AMPD3: variants seen among roughly 807,000 people sequenced by gnomAD.
The protein encoded by AMPD3 is AMP deaminase 3.
AMPD3 carries 57 observed loss-of-function variants against 82.3 expected under a neutral mutation model. The observed-to-expected ratio is 0.69, with a 90% CI of 0.56 to 0.86. The LOEUF (loss-of-function observed/expected upper bound fraction) is 0.86. Among genes scored for constraint, AMPD3 ranks in the 40% least tolerant of loss-of-function variants. AMPD3 has a pLI of 0.00. For synonymous variants in AMPD3, 381 were observed against 394.7 expected (o/e 0.97, Z 0.41); for missense variants, 870 against 1,003.8 (o/e 0.87, Z 1.80).
At chr11:10,479,429 C>A (rs1461289704) in intron 3 of AMPD3, among the ~76,000 whole-genome samples, 1 of 152,202 alleles carries the variant, frequency 6.6e-6, no homozygotes, top group Non-Finnish European at 1.5e-5. Context: ...TTAACAGTAG[C>A]TGTAGAAAAT....
intron 11 of AMPD3, 73 bp downstream of exon 11, chr11:10,500,322 C>T: frequency 6.5e-7 from 1 of 1,527,652 alleles, no homozygotes; most frequent in Non-Finnish European, 9.1e-7. Context: ...CACATGCACA[C>T]ACACATGCAT....
rs368749996 is a variant in AMPD3 at position 10,466,123 on chromosome 11, G to A, written c.221+4383G>A. On this transcript the variant is annotated intron_variant, in intron 2 of 14. Coordinates refer to ENST00000396553, the MANE Select transcript of AMPD3 (RefSeq NM_001025389.2). The stretch of plus-strand genomic sequence containing the variant: ...CTAAAAATACAAAGATTAGCCGGGC[G>A]TGGTGGGGGGCACCTGTAATCCCAG... Among the ~76,000 whole-genome samples the A allele has an allele frequency of 3.6e-4, 55 of 152,282 alleles. No individual in the cohort carries two copies. The East Asian group carries it at 5.0e-3, about 14-fold the overall frequency.
intron 4 of AMPD3, among the ~76,000 whole-genome samples, chr11:10,484,007 T>A (rs907579035): frequency 6.6e-6 from 1 of 152,224 alleles, no homozygotes; most frequent in African/African-American, 2.4e-5. Context: ...GAAAACTAAT[T>A]ATGAGAATAA....
Position 10,461,407 on chromosome 11 carries a change from G to A in AMPD3, c.-5-108G>A, listed in dbSNP as rs763501693. ...GGTCTGGGGCATTCCTAAGTAGACA[G>A]CTGACCCCAAGTACCAGGTGGGCCT... On this transcript the variant is annotated intron_variant, in intron 1 of 14. Transcript: ENST00000396553. The A allele has an allele frequency of 4.9e-5, 78 of 1,602,892 alleles. No individual in the cohort carries two copies. In the South Asian group the frequency reaches 8.3e-4, roughly 17 times the overall value.
intron 2 of AMPD3, among the ~76,000 whole-genome samples, chr11:10,466,518 T>C (rs955323130): frequency 6.6e-6 from 1 of 152,080 alleles, no homozygotes; most frequent in Admixed American, 6.5e-5. Context: ...AGGGCATCTC[T>C]GAAAAAAAGG....
chr11:10,469,868 G>A (rs1457090909), intron 2 of AMPD3, among the ~76,000 whole-genome samples: 7 of 151,984 alleles, frequency 4.6e-5, no homozygotes, highest in African/African-American at 7.2e-5. Flanking sequence ...GTGAAACCCC[G>A]TCTCTACTAA....
At chr11:10,493,762 A>T in intron 7 of AMPD3, 1 of 628,810 alleles carries the variant, frequency 1.6e-6, no homozygotes, top group South Asian at 1.8e-5. Context: ...GACAGGTCTA[A>T]GCACTAATCC....
Position 10,456,142 on chromosome 11 carries a change from C to A in AMPD3, c.-6+694C>A. 1 of 1,373,772 alleles carries A rather than the reference C, an allele frequency of 7.3e-7. No individual in the cohort carries two copies. Among genetic ancestry groups the A allele is most frequent in the South Asian group, 1.7e-5 (1 of 58,104 alleles). The allele number at this position is 1,373,772 out of a possible 1,614,324, so 85.1% of individuals were successfully genotyped here. On this transcript the variant is annotated intron_variant, in intron 1 of 14. Transcript: ENST00000396553. The surrounding 1 kb of genome is among the most constrained non-coding windows in gnomAD (Gnocchi z 4.3). The stretch of plus-strand genomic sequence containing the variant: ...TTTTGTTTTGGATAACTGGGATTAC[C>A]TGGGGACTTCAGGGCTCTTGGAAAT...
chr11:10,454,008 T>C (rs1848025463), upstream of AMPD3, among the ~76,000 whole-genome samples: 2 of 152,182 alleles, frequency 1.3e-5, no homozygotes, highest in Admixed American at 6.5e-5. Flanking sequence ...GCGGGCCCTG[T>C]ATCTGGTTAT....
intron 2 of AMPD3, among the ~76,000 whole-genome samples, chr11:10,477,402 G>A (rs1457491058): frequency 6.6e-6 from 1 of 152,146 alleles, no homozygotes; most frequent in Admixed American, 6.5e-5. Context: ...TTCCACTGGG[G>A]GCAGACAGAA....
chr11:10,459,226 G>C (rs1331839915), intron 1 of AMPD3, among the ~76,000 whole-genome samples: 3 of 152,082 alleles, frequency 2.0e-5, no homozygotes, highest in African/African-American at 7.2e-5. Flanking sequence ...GGAGTGGCAG[G>C]TCCTTGGGTC....
chr11:10,491,464 A>G (rs1849238369), intron 6 of AMPD3, among the ~76,000 whole-genome samples: 1 of 152,242 alleles, frequency 6.6e-6, no homozygotes, highest in South Asian at 2.1e-4. Context: ...GAATCAAATT[A>G]CATTTAAAGA....
chr11:10,483,335 G>A (rs1848969607), intron 4 of AMPD3, among the ~76,000 whole-genome samples: 1 of 152,140 alleles, frequency 6.6e-6, no homozygotes, highest in Admixed American at 6.5e-5. Flanking sequence ...CTCCATCAAT[G>A]CCTGGGACCC....
Position 10,498,732 on chromosome 11 carries a change from G to A in AMPD3, c.1558-1354G>A, listed in dbSNP as rs1210629797. Among the ~76,000 whole-genome samples the A allele has an allele frequency of 3.3e-5, 5 of 152,350 alleles. No individual in the cohort carries two copies. In the South Asian group the frequency reaches 8.3e-4, roughly 25 times the overall value. ...AGGCCAGCAGACCTGGCTGGGGTCT[G>A]GGGCGTGGGCTGGGAGCCCTCCAGT... is the stretch of plus-strand genomic sequence containing the variant. On this transcript the variant is annotated intron_variant, in intron 10 of 14. Transcript: ENST00000396553.
At chr11:10,495,074 C>T (rs374140460) in intron 8 of AMPD3, 44 bp downstream of exon 8, 3 of 1,613,526 alleles carry the variant, frequency 1.9e-6, no homozygotes, top group African/African-American at 2.7e-5. Flanking sequence ...AGGTGCCTCC[C>T]AACATCTGCC....
intron 10 of AMPD3, chr11:10,497,847 T>C: frequency 1.0e-6 from 1 of 985,256 alleles, no homozygotes. Flanking sequence ...CAACGTGATC[T>C]CACCTAAGCC....
intron 2 of AMPD3, among the ~76,000 whole-genome samples, chr11:10,464,424 T>G (rs969889140): frequency 6.6e-6 from 1 of 152,222 alleles, no homozygotes; most frequent in Non-Finnish European, 1.5e-5. Flanking sequence ...AGAGCCCATA[T>G]CTTTTGAATC....
At chr11:10,459,309 T>A (rs1247152353) in intron 1 of AMPD3, among the ~76,000 whole-genome samples, 2 of 152,130 alleles carry the variant, frequency 1.3e-5, no homozygotes. Context: ...CCTGTCTGTG[T>A]CATGACTTAG....
chr11:10,477,482 G>A (rs1400203230), intron 2 of AMPD3, among the ~76,000 whole-genome samples: 1 of 152,208 alleles, frequency 6.6e-6, no homozygotes, highest in African/African-American at 2.4e-5. Context: ...GAAGAGACTT[G>A]CAGTGACATA....
Sources: gnomAD v4.1 joint callset for allele counts (sites outside exome capture counted in the v4.1 genomes callset) on GRCh38, gnomAD v4.1.1 for gene constraint, Gnocchi (gnomAD v3.1) non-coding constraint, MANE v1.5 for transcripts, NCBI Gene and HGNC (gene_info 2026-07-23, HGNC 2026-07-21) for gene names.